ZEB1: variants seen among roughly 807,000 people sequenced by gnomAD.
ZEB1 encodes zinc finger E-box-binding homeobox 1.
A neutral mutation model predicts 84.9 loss-of-function variants in ZEB1; 21 were observed. That is an observed-to-expected ratio of 0.25 (90% CI 0.18 to 0.36). ZEB1 has a LOEUF of 0.36. Among genes scored for constraint, ZEB1 ranks in the 10% least tolerant of loss-of-function variants. The pLI is 1.00. For missense variants in ZEB1, 1,104 were observed against 1,330.2 expected, an observed-to-expected ratio of 0.83 and a Z score of 2.65; for synonymous variants, 420 against 471.1, an observed-to-expected ratio of 0.89 and a Z score of 1.41.
At chr10:31,356,805 C>A (rs1398905716) in intron 1 of ZEB1, among the ~76,000 whole-genome samples, 1 of 152,114 alleles carries the variant, frequency 6.6e-6, no homozygotes, top group Non-Finnish European at 1.5e-5. Context: ...AATTTGTGCT[C>A]ATCTAACTGA....
chr10:31,494,849 A>G (rs2067003021), intron 2 of ZEB1, among the ~76,000 whole-genome samples: 1 of 152,082 alleles, frequency 6.6e-6, no homozygotes, highest in South Asian at 2.1e-4. Context: ...TTCTGAACCT[A>G]TGCTGTATGA....
chr10:31,393,698 G>T (rs2050200581), intron 1 of ZEB1, among the ~76,000 whole-genome samples: 2 of 152,016 alleles, frequency 1.3e-5, no homozygotes, highest in South Asian at 2.1e-4. Context: ...TTATGATTTT[G>T]TTTCAGAGTT....
At chr10:31,465,797 A>T (rs1235809253) in intron 2 of ZEB1, among the ~76,000 whole-genome samples, 1 of 151,812 alleles carries the variant, frequency 6.6e-6, no homozygotes, top group Non-Finnish European at 1.5e-5. Context: ...AAAAAAAAAA[A>T]CTTTCATGGA....
At chr10:31,319,012 T>G, upstream of ZEB1, 2 of 572,472 alleles carry the variant, frequency 3.5e-6, no homozygotes, top group Non-Finnish European at 6.5e-6. Flanking sequence ...TCAATTCAAA[T>G]TCAGCAGTGC....
intron 1 of ZEB1, among the ~76,000 whole-genome samples, chr10:31,389,090 T>C (rs1422465035): frequency 6.6e-6 from 1 of 152,116 alleles, no homozygotes; most frequent in Non-Finnish European, 1.5e-5. Flanking sequence ...ATCAGTTTTG[T>C]AGGATGTATA....
intron 1 of ZEB1, among the ~76,000 whole-genome samples, chr10:31,396,601 C>G (rs1028725933): frequency 6.6e-6 from 1 of 152,118 alleles, no homozygotes; most frequent in African/African-American, 2.4e-5. Context: ...GCAGAAATCA[C>G]AAGCTGGTGT....
In ZEB1 at chr10:31,401,688, T is replaced by C. The variant is rs74127739; in HGVS notation, c.59-59349T>C. On this transcript the variant is annotated intron_variant, in intron 1 of 8. Coordinates refer to ENST00000424869, the MANE Select transcript of ZEB1 (RefSeq NM_001174096.2). The stretch of plus-strand genomic sequence containing the variant: ...ATTTGCATTTTCAAAATAAGTGTTA[T>C]GGCAGAAGAGACTCCACTAATTTGT... Among the ~76,000 whole-genome samples the C allele has an allele frequency of 8.4e-3, 1,283 of 152,302 alleles. 22 individuals carry two copies. The highest frequency in any genetic ancestry group is 0.027 in the African/African-American group (1,122 of 41,562).
At chr10:31,345,997 T>A (rs899441836) in intron 1 of ZEB1, among the ~76,000 whole-genome samples, 19 of 152,146 alleles carry the variant, frequency 1.2e-4, no homozygotes, top group African/African-American at 4.6e-4. Context: ...TAGATAGAAC[T>A]GAGAACCTCA....
At chr10:31,407,202 G>A (rs1246200059) in intron 1 of ZEB1, among the ~76,000 whole-genome samples, 7 of 149,542 alleles carry the variant, frequency 4.7e-5, no homozygotes, top group African/African-American at 1.2e-4. Flanking sequence ...CCACTAACTC[G>A]TCATCTAGCA....
chr10:31,344,999 AAAAT>A (rs2040051973), intron 1 of ZEB1, among the ~76,000 whole-genome samples: 2 of 152,308 alleles, frequency 1.3e-5, no homozygotes, highest in Admixed American at 1.3e-4. Flanking sequence ...GAAAATACAG[AAAAT>A]AAAAACATTT....
At position 31,502,950 on chromosome 10, in the gene ZEB1, C is replaced by T. The variant is rs562576378; in HGVS notation, c.484+441C>T. Among the ~76,000 whole-genome samples, 18 of 152,132 alleles carry T rather than the reference C, an allele frequency of 1.2e-4. No homozygotes were observed. In the South Asian group the frequency reaches 1.2e-3, roughly 11 times the overall value. ...AGTCCACTCTGATATGAATAGTCAG[C>T]GTACAGAGTGTGGAAAATGCAATAA... On this transcript the variant is annotated intron_variant, in intron 4 of 8. Coordinates refer to ENST00000424869, the MANE Select transcript of ZEB1 (RefSeq NM_001174096.2).
chr10:31,427,363 C>T (rs2057079719), intron 1 of ZEB1, among the ~76,000 whole-genome samples: 1 of 152,062 alleles, frequency 6.6e-6, no homozygotes, highest in Non-Finnish European at 1.5e-5. Flanking sequence ...TGTTTTGGAA[C>T]CCCAACTCAG....
intron 6 of ZEB1, among the ~76,000 whole-genome samples, chr10:31,515,053 T>TA (rs1241041955): frequency 6.6e-6 from 1 of 152,046 alleles, no homozygotes; most frequent in African/African-American, 2.4e-5. Context: ...AGTATAGAGA[T>TA]ACGATTTGCA....
chr10:31,350,380 A>G (rs2041109834), intron 1 of ZEB1, among the ~76,000 whole-genome samples: 1 of 152,162 alleles, frequency 6.6e-6, no homozygotes, highest in Non-Finnish European at 1.5e-5. Flanking sequence ...AGAAGCAAGT[A>G]CCTTATCTCT....
chr10:31,409,065 C>T (rs1053858679), intron 1 of ZEB1, among the ~76,000 whole-genome samples: 5 of 151,872 alleles, frequency 3.3e-5, no homozygotes, highest in Non-Finnish European at 5.9e-5. Context: ...AACATACAAC[C>T]CCATCAAAAA....
At chr10:31,427,166 G>A (rs995487656) in intron 1 of ZEB1, among the ~76,000 whole-genome samples, 3 of 151,844 alleles carry the variant, frequency 2.0e-5, no homozygotes, top group African/African-American at 7.3e-5. Flanking sequence ...TTTCAAAGAC[G>A]TGTAATAGTG....
intron 2 of ZEB1, among the ~76,000 whole-genome samples, chr10:31,466,346 G>A (rs1262751407): frequency 1.3e-5 from 2 of 152,102 alleles, no homozygotes; most frequent in Admixed American, 1.3e-4. Context: ...CATTCTCCAG[G>A]ACAGATTATT....
chr10:31,340,816 G>A (rs570436031), intron 1 of ZEB1, among the ~76,000 whole-genome samples: 9 of 152,106 alleles, frequency 5.9e-5, no homozygotes, highest in Non-Finnish European at 1.2e-4. Flanking sequence ...GGAGAGACAA[G>A]GAAGGGTAGA....
At position 31,440,646 on chromosome 10, in the gene ZEB1, A is replaced by C. The variant is rs562329016; in HGVS notation, c.59-20391A>C. On this transcript the variant is annotated intron_variant, in intron 1 of 8. Coordinates refer to ENST00000424869, the MANE Select transcript of ZEB1 (RefSeq NM_001174096.2). Reference sequence around the variant, plus strand: ...CTGTTTGCAGATGACATGATTGTATATTTAGAAAACCCCATTGTCTCAGCC... The same window carrying C: ...CTGTTTGCAGATGACATGATTGTATCTTTAGAAAACCCCATTGTCTCAGCC... 6.6e-5 allele frequency among the ~76,000 whole-genome samples: 10 copies of C among 152,318 alleles called. No homozygotes were observed. The East Asian group carries it at 1.9e-3, about 29-fold the overall frequency.
Sources: gnomAD v4.1 joint callset for allele counts (sites outside exome capture counted in the v4.1 genomes callset) on GRCh38, gnomAD v4.1.1 for gene constraint, MANE v1.5 for transcripts, NCBI Gene and HGNC (gene_info 2026-07-23, HGNC 2026-07-21) for gene names.